The following DLG2 variants were observed in gnomAD, a reference collection of about 807,000 sequenced individuals.
The protein encoded by DLG2 is disks large homolog 2.
Under a neutral mutation model 132.5 loss-of-function variants are expected in DLG2, and 45 were observed. The observed-to-expected ratio is 0.34, with a 90% confidence interval of 0.27 to 0.44. The LOEUF (loss-of-function observed/expected upper bound fraction) is 0.44. DLG2 is among the 20% of genes least tolerant of loss of function. The pLI, the probability that DLG2 is intolerant of heterozygous loss-of-function variation, is 1.00. For synonymous variants in DLG2, 424 were observed against 419.6 expected, an observed-to-expected ratio of 1.01 and a Z score of -0.13; for missense variants, 1,045 against 1,196.9, an observed-to-expected ratio of 0.87 and a Z score of 1.87.
Position 83,459,744 on chromosome 11 carries a change from C to A in DLG2, c.*74G>T. 1 of 789,238 alleles carries A rather than the reference C, an allele frequency of 1.3e-6. No individual in the cohort carries two copies. 48.9% of individuals were successfully genotyped at this position (789,238 alleles called of 1,614,324 possible). A position where few individuals can be genotyped will look rare whatever the true frequency, so the allele number is the denominator to read the frequency against. ...ATAAATGCAACAAAAACATAAAAGC[C>A]TCCAAGTAGTATGTTATATATATTT... On this transcript the variant is annotated 3_prime_UTR_variant, in exon 28 of 28. Coordinates refer to ENST00000376104, the MANE Select transcript of DLG2 (RefSeq NM_001142699.3).
chr11:84,929,013 T>TGA (rs2047777166), intron 6 of DLG2, among the ~76,000 whole-genome samples: 1 of 134,306 alleles, frequency 7.4e-6, no homozygotes, highest in Non-Finnish European at 1.6e-5. Flanking sequence ...TATATATATA[T>TGA]ATATATATAT....
intron 3 of DLG2, among the ~76,000 whole-genome samples, chr11:85,293,799 A>T (rs1565281108): frequency 6.6e-6 from 1 of 152,186 alleles, no homozygotes; most frequent in Non-Finnish European, 1.5e-5. Flanking sequence ...ATATTGTAGC[A>T]ATGTTAAATT....
chr11:85,533,002 G>A (rs1210487798), intron 3 of DLG2, among the ~76,000 whole-genome samples: 1 of 143,596 alleles, frequency 7.0e-6, no homozygotes, highest in African/African-American at 2.7e-5. Context: ...GATGCCTAAG[G>A]TGTTTTTGTT....
At chr11:84,141,161 TG>T (rs1407088133) in intron 9 of DLG2, among the ~76,000 whole-genome samples, 2 of 152,264 alleles carry the variant, frequency 1.3e-5, no homozygotes, top group East Asian at 3.9e-4. Context: ...CACTGAGCAT[TG>T]GTCCCAACCT....
chr11:85,087,099 A>C (rs910319763), intron 6 of DLG2, among the ~76,000 whole-genome samples: 1 of 152,204 alleles, frequency 6.6e-6, no homozygotes, highest in African/African-American at 2.4e-5. Flanking sequence ...ACAAATATTT[A>C]ATGAACTCTA....
intron 18 of DLG2, among the ~76,000 whole-genome samples, chr11:83,669,797 T>G (rs1290584096): frequency 6.6e-6 from 1 of 152,184 alleles, no homozygotes; most frequent in African/African-American, 2.4e-5. Context: ...AGAACAGTGC[T>G]AAACATAAAG....
At chr11:84,622,464 G>C (rs1245979349) in intron 6 of DLG2, among the ~76,000 whole-genome samples, 1 of 152,030 alleles carries the variant, frequency 6.6e-6, no homozygotes, top group South Asian at 2.1e-4. Context: ...TCCTTCATAA[G>C]AGTCTGATCC....
At chr11:84,885,900 C>T (rs905903378) in intron 6 of DLG2, among the ~76,000 whole-genome samples, 1 of 152,032 alleles carries the variant, frequency 6.6e-6, no homozygotes, top group African/African-American at 2.4e-5. Flanking sequence ...TCAATAGATA[C>T]ATGAAATAAT....
chr11:84,338,667 G>T (rs1010073589), intron 7 of DLG2, among the ~76,000 whole-genome samples: 1 of 152,054 alleles, frequency 6.6e-6, no homozygotes, highest in Admixed American at 6.6e-5. Flanking sequence ...ATTAGTTGGT[G>T]TGGTGGCAGT....
chr11:84,035,214 T>C (rs1050688281), intron 11 of DLG2, among the ~76,000 whole-genome samples: 2 of 152,150 alleles, frequency 1.3e-5, no homozygotes, highest in Non-Finnish European at 2.9e-5. Context: ...TTCTTTCCTA[T>C]TACAACTCTA....
At chr11:85,124,332 C>A (rs76165958) in intron 5 of DLG2, among the ~76,000 whole-genome samples, 29 of 152,304 alleles carry the variant, frequency 1.9e-4, no homozygotes, top group African/African-American at 6.5e-4. Flanking sequence ...TTTTTCTCTA[C>A]CATACGGTGA....
intron 6 of DLG2, among the ~76,000 whole-genome samples, chr11:84,771,855 G>GT (rs2069457321): frequency 6.6e-6 from 1 of 151,342 alleles, no homozygotes; most frequent in Non-Finnish European, 1.5e-5. Context: ...TCCAAGTTGG[G>GT]TTAAAAAAAA....
chr11:84,132,855 A>G (rs965028285), intron 9 of DLG2, among the ~76,000 whole-genome samples: 7 of 152,042 alleles, frequency 4.6e-5, no homozygotes, highest in African/African-American at 1.7e-4. Context: ...ATGAAACAGC[A>G]CTTCAACAGA....
At chr11:85,523,449 A>G (rs2074478115) in intron 3 of DLG2, among the ~76,000 whole-genome samples, 1 of 152,222 alleles carries the variant, frequency 6.6e-6, no homozygotes, top group Admixed American at 6.5e-5. Flanking sequence ...TCAAAAGAAG[A>G]CATACAAATA....
chr11:85,135,490 G>A (rs555064381), intron 5 of DLG2, among the ~76,000 whole-genome samples: 60 of 152,328 alleles, frequency 3.9e-4, no homozygotes, highest in African/African-American at 1.4e-3. Context: ...CAGAGAGGCA[G>A]ACACTTAGAG....
chr11:84,807,731 C>T (rs571507898), intron 6 of DLG2, among the ~76,000 whole-genome samples: 2 of 152,110 alleles, frequency 1.3e-5, no homozygotes, highest in South Asian at 4.2e-4. Flanking sequence ...AAGTATACTT[C>T]AGAGCAAAGA....
chr11:84,529,838 A>G (rs914661370), intron 7 of DLG2, among the ~76,000 whole-genome samples: 1 of 152,212 alleles, frequency 6.6e-6, no homozygotes, highest in African/African-American at 2.4e-5. Context: ...GAGCCAAGGC[A>G]ATCCTAAGCA....
At chr11:84,159,122 C>A (rs2095492166) in intron 9 of DLG2, among the ~76,000 whole-genome samples, 2 of 152,166 alleles carry the variant, frequency 1.3e-5, no homozygotes, top group African/African-American at 4.8e-5. Context: ...TCCAGTAATA[C>A]AACCAGGCCA....
At chr11:83,685,260 G>A (rs911420166) in intron 18 of DLG2, among the ~76,000 whole-genome samples, 7 of 152,062 alleles carry the variant, frequency 4.6e-5, no homozygotes, top group African/African-American at 1.2e-4. Context: ...AAGCACTTGC[G>A]GCAACAGGTA....
Sources: gnomAD v4.1 joint callset for allele counts (sites outside exome capture counted in the v4.1 genomes callset) on GRCh38, gnomAD v4.1.1 for gene constraint, MANE v1.5 for transcripts, NCBI Gene and HGNC (gene_info 2026-07-23, HGNC 2026-07-21) for gene names.